The following EPB41L4A variants were observed in gnomAD, a reference collection of about 807,000 sequenced individuals.
EPB41L4A encodes erythrocyte membrane protein band 4.1 like 4A, also known as band 4.1-like protein 4A.
EPB41L4A carries 100 observed loss-of-function variants against 108.6 expected under a neutral mutation model. The ratio of observed to expected loss-of-function variants is 0.92; its 90% CI spans 0.78 to 1.09. EPB41L4A has a LOEUF of 1.09. Ranked by LOEUF, EPB41L4A falls within the 50% of genes least tolerant of loss-of-function variation. The pLI, the probability that EPB41L4A is intolerant of heterozygous loss-of-function variation, is 0.00. For synonymous variants in EPB41L4A, 319 were observed against 289.0 expected, an observed-to-expected ratio of 1.10 and a Z score of -1.05; for missense variants, 1,030 against 842.7, an observed-to-expected ratio of 1.22 and a Z score of -2.75.
intron 1 of EPB41L4A, among the ~76,000 whole-genome samples, chr5:112,332,335 T>G (rs1447953208): frequency 6.6e-6 from 1 of 152,232 alleles, no homozygotes; most frequent in African/African-American, 2.4e-5. Context: ...TTTGCATTAT[T>G]TGAAGTAATT....
chr5:112,329,066 G>A (rs10037499), intron 1 of EPB41L4A, among the ~76,000 whole-genome samples: 7,510 of 152,204 alleles, frequency 0.049, 271 homozygotes, highest in Non-Finnish European at 0.074. Flanking sequence ...AGTCCGATAC[G>A]GTAGCCACTA....
At chr5:112,287,650 G>A (rs950253586) in intron 2 of EPB41L4A, among the ~76,000 whole-genome samples, 3 of 152,116 alleles carry the variant, frequency 2.0e-5, no homozygotes, top group Non-Finnish European at 4.4e-5. Flanking sequence ...CCATGATCTG[G>A]CCCCACTCCC....
intron 9 of EPB41L4A, among the ~76,000 whole-genome samples, chr5:112,248,329 C>T (rs1750391297): frequency 6.6e-6 from 1 of 152,194 alleles, no homozygotes; most frequent in African/African-American, 2.4e-5. Context: ...CACATTTCTA[C>T]TCATTCACAC....
chr5:112,340,924 G>A (rs1757275537), intron 1 of EPB41L4A, among the ~76,000 whole-genome samples: 1 of 152,042 alleles, frequency 6.6e-6, no homozygotes, highest in Non-Finnish European at 1.5e-5. Context: ...TGTTCACAAT[G>A]CAGGGATTTT....
intron 7 of EPB41L4A, among the ~76,000 whole-genome samples, chr5:112,260,378 C>G (rs1751414562): frequency 6.6e-6 from 1 of 152,100 alleles, no homozygotes; most frequent in Non-Finnish European, 1.5e-5. Context: ...ATGAAGAGGC[C>G]AAAGTAGCAG....
At chr5:112,184,977 G>A (rs574605661) in intron 17 of EPB41L4A, among the ~76,000 whole-genome samples, 110 of 152,230 alleles carry the variant, frequency 7.2e-4, no homozygotes, top group Non-Finnish European at 1.2e-3. Flanking sequence ...CAGAAATTTT[G>A]GACTTCCGAG....
chr5:112,378,426 T>A (rs1364899176), intron 1 of EPB41L4A, among the ~76,000 whole-genome samples: 1 of 152,208 alleles, frequency 6.6e-6, no homozygotes, highest in Non-Finnish European at 1.5e-5. Flanking sequence ...ATAGTTGATA[T>A]AATCTTAAAA....
At chr5:112,235,962 A>G (rs1171591624) in intron 11 of EPB41L4A, among the ~76,000 whole-genome samples, 1 of 152,202 alleles carries the variant, frequency 6.6e-6, no homozygotes, top group Admixed American at 6.5e-5. Context: ...CCAAAAAGCT[A>G]AAAATCCCCA....
downstream of EPB41L4A, chr5:112,158,475 C>A: frequency 2.5e-6 from 1 of 393,208 alleles, no homozygotes; most frequent in Non-Finnish European, 5.0e-6. Context: ...TAGATATAAA[C>A]TAAACCTATA....
rs1318439647 is a variant in EPB41L4A, at chr5:112,168,798, G to A, written c.1873C>T (p.Pro625Ser). The A allele has an allele frequency of 1.9e-6, 3 of 1,614,046 alleles. No individual in the cohort carries two copies. The highest frequency in any genetic ancestry group is 2.7e-5 in the African/African-American group (2 of 75,034). Residue 625 changes from proline to serine, a missense_variant, in exon 22 of 23, where the codon CCA (proline) becomes TCA (serine). Pro to Ser is a moderately conservative substitution (Grantham distance 74). Coordinates refer to ENST00000261486, the MANE Select transcript of EPB41L4A (RefSeq NM_022140.5). ...EVNSKTDLVPPLPVTRSSDAQ... is the reference protein window; with the variant it reads ...EVNSKTDLVPSLPVTRSSDAQ... ...TCCGAAGAACGGGTCACCGGAAGTG[G>A]TGGTACAAGATCTGTTTTTGAACTG...
At chr5:112,165,666 CACAACT>C (rs1760200399) in intron 22 of EPB41L4A, among the ~76,000 whole-genome samples, 1 of 152,190 alleles carries the variant, frequency 6.6e-6, no homozygotes, top group Non-Finnish European at 1.5e-5. Flanking sequence ...GACACTAACT[CACAACT>C]ACTACTTCTT....
intron 1 of EPB41L4A, among the ~76,000 whole-genome samples, chr5:112,345,851 TG>T (rs1757627842): frequency 6.6e-6 from 1 of 151,444 alleles, no homozygotes; most frequent in Non-Finnish European, 1.5e-5. Context: ...CAACCTGGGA[TG>T]ATTTTTATTT....
At chr5:112,323,187 A>G (rs921174346) in intron 1 of EPB41L4A, among the ~76,000 whole-genome samples, 1 of 152,116 alleles carries the variant, frequency 6.6e-6, no homozygotes, top group Non-Finnish European at 1.5e-5. Context: ...ACAGACAACA[A>G]CAAATAAGAC....
intron 1 of EPB41L4A, among the ~76,000 whole-genome samples, chr5:112,381,536 T>C (rs1315836087): frequency 4.6e-5 from 7 of 152,234 alleles, no homozygotes; most frequent in Admixed American, 4.6e-4. Context: ...AGAAAGCATG[T>C]CTAGCAAACA....
At position 112,279,296 on chromosome 5, in the gene EPB41L4A, C is replaced by T. The variant is rs1752811161; in HGVS notation, c.256+976G>A. Among the ~76,000 whole-genome samples the T allele has an allele frequency of 4.6e-5, 7 of 152,108 alleles. No individual in the cohort carries two copies. In the South Asian group the frequency reaches 1.5e-3, roughly 32 times the overall value. On this transcript the variant is annotated intron_variant, in intron 3 of 22. Coordinates refer to ENST00000261486, the MANE Select transcript of EPB41L4A (RefSeq NM_022140.5). ...TTCCTTTTGGAAGCAGAGCTACATT[C>T]CTGCCCTTGGATCCATGGAGCATCG...
chr5:112,339,533 T>TAG (rs1561585635), intron 1 of EPB41L4A, among the ~76,000 whole-genome samples: 5 of 108,492 alleles, frequency 4.6e-5, no homozygotes, highest in African/African-American at 2.1e-4. Context: ...TATATCTATA[T>TAG]ATATATATAT....
chr5:112,303,554 A>G (rs1214405080), intron 2 of EPB41L4A, among the ~76,000 whole-genome samples: 1 of 152,190 alleles, frequency 6.6e-6, no homozygotes, highest in Non-Finnish European at 1.5e-5. Context: ...CTGAACAGGA[A>G]TAACTAGAGA....
chr5:112,360,977 G>C (rs1396429004), intron 1 of EPB41L4A, among the ~76,000 whole-genome samples: 1 of 152,196 alleles, frequency 6.6e-6, no homozygotes, highest in East Asian at 1.9e-4. Context: ...CGTCTGAGAA[G>C]TGAGGAGCCC....
intron 12 of EPB41L4A, among the ~76,000 whole-genome samples, chr5:112,231,310 T>C (rs1748903403): frequency 6.6e-6 from 1 of 152,178 alleles, no homozygotes; most frequent in Admixed American, 6.5e-5. Context: ...GTACCACTTG[T>C]GTGAAAAAGA....
Sources: allele counts gnomAD v4.1 joint callset (sites outside exome capture counted in the v4.1 genomes callset), GRCh38; gene constraint gnomAD v4.1.1; transcripts MANE v1.5; gene names NCBI Gene and HGNC (gene_info 2026-07-23, HGNC 2026-07-21).